The following RRM1 variants were observed in gnomAD, a reference collection of about 807,000 sequenced individuals.
RRM1 encodes ribonucleotide reductase catalytic subunit M1.
Under a neutral mutation model 101.5 loss-of-function variants are expected in RRM1, and 19 were observed. The observed-to-expected ratio is 0.19, with a 90% CI of 0.13 to 0.27. RRM1 has a LOEUF of 0.27. Among genes scored for constraint, RRM1 ranks in the 10% least tolerant of loss-of-function variants. The pLI is 1.00. For synonymous variants in RRM1, 298 were observed against 323.4 expected, an observed-to-expected ratio of 0.92 and a Z score of 0.84; for missense variants, 500 against 962.9, an observed-to-expected ratio of 0.52 and a Z score of 6.36.
chr11:4,124,329 G>A (rs1431897317), intron 12 of RRM1, among the ~76,000 whole-genome samples: 2 of 152,114 alleles, frequency 1.3e-5, no homozygotes, highest in Non-Finnish European at 2.9e-5. Context: ...GATCTTGGAT[G>A]TAAACTATGG....
At chr11:4,126,631 C>G in intron 12 of RRM1, 53 bp from the exon 13 acceptor site, 1 of 1,548,544 alleles carries the variant, frequency 6.5e-7, no homozygotes, top group Non-Finnish European at 8.8e-7. Flanking sequence ...GTAATTGACA[C>G]AGGAAGTAGA....
intron 7 of RRM1, among the ~76,000 whole-genome samples, chr11:4,117,330 G>A (rs1186004991): frequency 6.6e-6 from 1 of 152,194 alleles, no homozygotes; most frequent in East Asian, 1.9e-4. Context: ...ACAAGGTGTT[G>A]TGTTCAAGAA....
rs1590734000 is a variant in RRM1, at chr11:4,132,923, G to C, written c.1905+502G>C. Among the ~76,000 whole-genome samples, 1 of 152,038 alleles carries C rather than the reference G, an allele frequency of 6.6e-6. No individual in the cohort carries two copies. The highest frequency in any genetic ancestry group is 2.1e-4 in the South Asian group (1 of 4,818). ...CTATTTGTGAATTTCCAGATATCTT[G>C]AAGTAAAGTTCTGTAAAGTTCGAGA... On this transcript the variant is annotated intron_variant, in intron 16 of 18. Coordinates refer to ENST00000300738, the MANE Select transcript of RRM1 (RefSeq NM_001033.5). This position sits in a 1 kb window ranked among gnomAD's most constrained non-coding sequence, Gnocchi z 4.1.
chr11:4,099,819 G>C (rs1400666470), intron 1 of RRM1, among the ~76,000 whole-genome samples: 3 of 151,900 alleles, frequency 2.0e-5, no homozygotes, highest in Non-Finnish European at 4.4e-5. Flanking sequence ...TAGATCTTTA[G>C]TCTGCCTCCT....
At chr11:4,096,795 G>A (rs999796587) in intron 1 of RRM1, among the ~76,000 whole-genome samples, 6 of 151,888 alleles carry the variant, frequency 4.0e-5, no homozygotes, top group African/African-American at 1.5e-4. Context: ...GGGAGCCACC[G>A]CACCTGGCTT....
In RRM1 at chr11:4,094,904, G is replaced by A. The variant is rs1393211397; in HGVS notation, c.-109G>A. On this transcript the variant is annotated 5_prime_UTR_variant, in exon 1 of 19. Coordinates refer to ENST00000300738, the MANE Select transcript of RRM1 (RefSeq NM_001033.5). ...CTCCAACTCCAGTTCTTTCCCCTGA[G>A]CAGCGCCTGGAACCTAACCCTTCCC... is the stretch of plus-strand genomic sequence containing the variant. The A allele has an allele frequency of 4.2e-6, 5 of 1,181,514 alleles. No individual in the cohort carries two copies. The highest frequency in any genetic ancestry group is 6.2e-6 in the Non-Finnish European group (5 of 810,558). The allele number at this position is 1,181,514 out of a possible 1,614,324, so 73.2% of individuals were successfully genotyped here.
At chr11:4,121,795 A>G (rs1387437596) in intron 10 of RRM1, 30 bp downstream of exon 10, 1 of 1,557,834 alleles carries the variant, frequency 6.4e-7, no homozygotes, top group East Asian at 2.3e-5. Context: ...TGGTAATAGC[A>G]ACTTGATTCA....
chr11:4,105,973 T>C, intron 2 of RRM1, 73 bp from the exon 3 acceptor site: 1 of 1,335,792 alleles, frequency 7.5e-7, no homozygotes, highest in Non-Finnish European at 1.1e-6. Context: ...CATGATGGTT[T>C]TCTTAATTAC....
At chr11:4,136,779 A>G (rs1352576795) in intron 18 of RRM1, among the ~76,000 whole-genome samples, 2 of 151,604 alleles carry the variant, frequency 1.3e-5, no homozygotes, top group Non-Finnish European at 2.9e-5. Context: ...TTATTTATTT[A>G]TTTATTTTTA....
At chr11:4,113,322 G>A (rs969068854) in intron 7 of RRM1, among the ~76,000 whole-genome samples, 4 of 152,056 alleles carry the variant, frequency 2.6e-5, no homozygotes, top group South Asian at 2.1e-4. Context: ...TAGATGTATC[G>A]TCTCTTTTTT....
intron 12 of RRM1, among the ~76,000 whole-genome samples, chr11:4,124,831 T>C (rs2094586961): frequency 6.7e-6 from 1 of 149,886 alleles, no homozygotes; most frequent in Non-Finnish European, 1.5e-5. Context: ...TTCAGTGTTT[T>C]TTTTCTTTTC....
chr11:4,122,055 A>G (rs1024415213), intron 10 of RRM1, 86 bp from the exon 11 acceptor site: 6 of 1,059,708 alleles, frequency 5.7e-6, no homozygotes, highest in Middle Eastern at 2.1e-4. Flanking sequence ...AGCTTGTAAA[A>G]GTCACCTTAT....
intron 1 of RRM1, among the ~76,000 whole-genome samples, chr11:4,097,278 C>CAAAAAAA (rs1221330899): frequency 1.5e-5 from 1 of 68,860 alleles, no homozygotes; most frequent in Non-Finnish European, 2.8e-5. Context: ...CACTCTGTCT[C>CAAAAAAA]AAAAAAAAAA....
intron 15 of RRM1, among the ~76,000 whole-genome samples, chr11:4,130,169 A>T (rs1450926704): frequency 1.4e-5 from 2 of 147,322 alleles, no homozygotes; most frequent in East Asian, 2.0e-4. Context: ...CAAAATTAGT[A>T]TATGAACACA....
intron 15 of RRM1, among the ~76,000 whole-genome samples, chr11:4,129,814 C>CT (rs1304006287): frequency 6.6e-6 from 1 of 151,552 alleles, no homozygotes; most frequent in African/African-American, 2.4e-5. Flanking sequence ...TTAAAATGCT[C>CT]TTTAAAAAAA....
chr11:4,114,550 TAAA>T (rs776225425), intron 7 of RRM1, among the ~76,000 whole-genome samples: 4 of 130,690 alleles, frequency 3.1e-5, no homozygotes, highest in African/African-American at 5.6e-5. Flanking sequence ...AACTCTATCT[TAAA>T]AAAAAAAAAA....
chr11:4,111,554 T>C (rs761680203), intron 5 of RRM1, 47 bp from the exon 6 acceptor site: 1 of 1,479,640 alleles, frequency 6.8e-7, no homozygotes, highest in Non-Finnish European at 9.3e-7. Flanking sequence ...CCACTGCGTC[T>C]TTAAAAACGG....
intron 15 of RRM1, among the ~76,000 whole-genome samples, chr11:4,130,095 T>A (rs1336137324): frequency 4.5e-4 from 59 of 131,878 alleles, no homozygotes; most frequent in South Asian, 2.4e-3. Context: ...TATTTTTTTT[T>A]TTTTTTTTTC....
intron 10 of RRM1, 100 bp from the exon 11 acceptor site, chr11:4,122,041 A>G: frequency 1.1e-6 from 1 of 938,046 alleles, no homozygotes; most frequent in East Asian, 2.5e-5. Flanking sequence ...CAAATTTCCA[A>G]GAGAGCTTGT....
Sources: gnomAD v4.1 joint callset for allele counts (sites outside exome capture counted in the v4.1 genomes callset) on GRCh38, gnomAD v4.1.1 for gene constraint, Gnocchi (gnomAD v3.1) non-coding constraint, MANE v1.5 for transcripts, NCBI Gene and HGNC (gene_info 2026-07-23, HGNC 2026-07-21) for gene names.